CR1L: variants seen among roughly 807,000 people sequenced by gnomAD.
CR1L encodes the protein complement C3b/C4b receptor 1 like, also known as complement component receptor 1-like protein.
Under a neutral mutation model 62.3 loss-of-function variants are expected in CR1L, and 59 were observed. The ratio of observed to expected loss-of-function variants is 0.95; its 90% CI spans 0.77 to 1.18. The LOEUF (loss-of-function observed/expected upper bound fraction) is 1.18, where lower values mean the gene tolerates loss of function less well. Among genes scored for constraint, CR1L ranks in the 50% most tolerant of loss-of-function variants. The pLI, the probability that CR1L is intolerant of heterozygous loss-of-function variation, is 0.00. For missense variants in CR1L, 700 were observed against 702.8 expected (o/e 1.00, Z 0.04); for synonymous variants, 279 against 248.7 (o/e 1.12, Z -1.15).
chr1:207,679,692 A>G (rs1422901085), intron 3 of CR1L, among the ~76,000 whole-genome samples: 2 of 152,226 alleles, frequency 1.3e-5, no homozygotes, highest in South Asian at 4.1e-4. Flanking sequence ...CTTGGAAGCA[A>G]TCAAGATGTC....
chr1:207,678,110 G>T (rs1197821756), intron 2 of CR1L, 88 bp from the exon 3 acceptor site: 25 of 1,158,630 alleles, frequency 2.2e-5, no homozygotes, highest in East Asian at 1.7e-4. Flanking sequence ...GTGTTCCTCA[G>T]TAAGCTATAG....
chr1:207,701,657 G>C, intron 9 of CR1L, 39 bp downstream of exon 9: 3 of 1,612,556 alleles, frequency 1.9e-6, no homozygotes, highest in Non-Finnish European at 2.5e-6. Context: ...CAGAGTTCCA[G>C]CACAGCAATA....
intron 1 of CR1L, among the ~76,000 whole-genome samples, chr1:207,660,380 C>T (rs552435696): frequency 1.6e-4 from 25 of 152,294 alleles, no homozygotes; most frequent in Non-Finnish European, 3.4e-4. Context: ...GTGATACCCA[C>T]GCAAACAAGG....
chr1:207,677,746 A>T (rs1359520825), intron 2 of CR1L, among the ~76,000 whole-genome samples, 178 bp downstream of exon 2: 1 of 152,246 alleles, frequency 6.6e-6, no homozygotes, highest in Non-Finnish European at 1.5e-5. Context: ...TGGCACCTTC[A>T]TTACAAGTTT....
chr1:207,694,042 A>C (rs1417344303), intron 4 of CR1L, among the ~76,000 whole-genome samples: 1 of 152,204 alleles, frequency 6.6e-6, no homozygotes. Flanking sequence ...CAAAAATGCA[A>C]ATTAAGAAAG....
At chr1:207,669,581 G>A (rs1363816280) in intron 1 of CR1L, 7 of 1,434,934 alleles carry the variant, frequency 4.9e-6, no homozygotes, top group Admixed American at 1.9e-5. Context: ...ACGCTGGGGG[G>A]CGTGGGGAGG....
intron 10 of CR1L, chr1:207,710,863 G>C (rs1571535006): frequency 7.5e-7 from 1 of 1,334,312 alleles, no homozygotes; most frequent in Non-Finnish European, 1.1e-6. Flanking sequence ...ATTTGTTTAG[G>C]GGGAGGGATG....
intron 3 of CR1L, among the ~76,000 whole-genome samples, chr1:207,678,616 A>G (rs1422652518): frequency 6.6e-6 from 1 of 152,226 alleles, no homozygotes; most frequent in East Asian, 1.9e-4. Flanking sequence ...ACATTGCTCA[A>G]AGAAAGGGAA....
chr1:207,714,008 G>A (rs1653908877), intron 10 of CR1L, among the ~76,000 whole-genome samples: 1 of 152,226 alleles, frequency 6.6e-6, no homozygotes, highest in African/African-American at 2.4e-5. Context: ...AAGAGCCACT[G>A]TATTACAGCC....
intron 5 of CR1L, among the ~76,000 whole-genome samples, chr1:207,695,718 G>A (rs762690126): frequency 1.3e-5 from 2 of 152,162 alleles, no homozygotes; most frequent in Admixed American, 6.5e-5. Flanking sequence ...CTATACAGGA[G>A]GAATGACTGA....
intron 1 of CR1L, among the ~76,000 whole-genome samples, chr1:207,675,516 A>G (rs1197777477): frequency 1.3e-5 from 2 of 152,334 alleles, no homozygotes; most frequent in Non-Finnish European, 1.5e-5. Flanking sequence ...CAGGAAACTG[A>G]AAAAGGGGAA....
At chr1:207,717,136 A>T (rs1439036869) in intron 10 of CR1L, among the ~76,000 whole-genome samples, 1 of 152,212 alleles carries the variant, frequency 6.6e-6, no homozygotes, top group East Asian at 1.9e-4. Flanking sequence ...CAACCCAGGA[A>T]TCTTACTATG....
At chr1:207,701,716 C>T in intron 9 of CR1L, 98 bp downstream of exon 9, 2 of 1,488,938 alleles carry the variant, frequency 1.3e-6, no homozygotes, top group Non-Finnish European at 1.9e-6. Context: ...TTGCCACCTG[C>T]TCTTGAGAGG....
At chr1:207,691,749 G>T (rs919043451) in intron 4 of CR1L, among the ~76,000 whole-genome samples, 2 of 152,052 alleles carry the variant, frequency 1.3e-5, no homozygotes, top group South Asian at 2.1e-4. Context: ...TCCAAACAAC[G>T]CAAGTACCCA....
At chr1:207,712,315 C>A (rs1404936508) in intron 10 of CR1L, among the ~76,000 whole-genome samples, 1 of 152,202 alleles carries the variant, frequency 6.6e-6, no homozygotes. Context: ...GGAGAATCCA[C>A]CAATACTAAT....
At chr1:207,722,786 A>G (rs552596711) in intron 11 of CR1L, among the ~76,000 whole-genome samples, 13 of 147,888 alleles carry the variant, frequency 8.8e-5, no homozygotes, top group African/African-American at 2.9e-4. Context: ...CAATTATGCA[A>G]TGTGTGTGGA....
chr1:207,723,337 C>T (rs1473488390), intron 11 of CR1L, among the ~76,000 whole-genome samples: 8 of 149,882 alleles, frequency 5.3e-5, no homozygotes, highest in East Asian at 2.0e-4. Context: ...GGCTGAGGCA[C>T]GAGAATCCCT....
intron 3 of CR1L, among the ~76,000 whole-genome samples, chr1:207,682,982 TTCTTTCTTTTTTTCTTTCTTTCTTTC>T (rs1663824498): frequency 7.3e-6 from 1 of 137,134 alleles, no homozygotes; most frequent in South Asian, 2.9e-4. Context: ...CTTTCTTTCT[TTCTTTCTTTTTTTCTTTCTTTCTTTC>T]TTTTTCTTTC....
At chr1:207,719,239 C>A in intron 11 of CR1L, among the ~76,000 whole-genome samples, 3 of 141,744 alleles carry the variant, frequency 2.1e-5, no homozygotes, top group African/African-American at 2.6e-5. Context: ...GCACATGTAC[C>A]CTAAAACTTA....
Sources: allele counts gnomAD v4.1 joint callset (sites outside exome capture counted in the v4.1 genomes callset), GRCh38; gene constraint gnomAD v4.1.1; transcripts MANE v1.5; gene names NCBI Gene and HGNC (gene_info 2026-07-23, HGNC 2026-07-21).